SDK1: variants seen among roughly 807,000 people sequenced by gnomAD.
The protein encoded by SDK1 is sidekick cell adhesion molecule 1.
Under a neutral mutation model 245.5 loss-of-function variants are expected in SDK1, and 157 were observed. The ratio of observed to expected loss-of-function variants is 0.64; its 90% confidence interval spans 0.56 to 0.73. SDK1 has a LOEUF of 0.73. SDK1 is among the 30% of genes least tolerant of loss of function. The pLI is 0.00. For synonymous variants in SDK1, 1,647 were observed against 1,278.5 expected (o/e 1.29, Z -6.15); for missense variants, 3,583 against 3,002.3 (o/e 1.19, Z -4.52).
intron 4 of SDK1, among the ~76,000 whole-genome samples, chr7:3,760,159 A>G (rs1018771787): frequency 2.0e-5 from 3 of 152,104 alleles, no homozygotes; most frequent in Non-Finnish European, 4.4e-5. Context: ...GCATATCTGC[A>G]TTTGTGAAAG....
intron 4 of SDK1, among the ~76,000 whole-genome samples, chr7:3,813,268 C>A (rs1325229589): frequency 1.6e-5 from 2 of 126,996 alleles, no homozygotes; most frequent in South Asian, 3.1e-4. Context: ...CCCCTCCCCC[C>A]ACCCCACCAC....
intron 1 of SDK1, among the ~76,000 whole-genome samples, chr7:3,527,746 G>A (rs1783192428): frequency 6.7e-6 from 1 of 150,254 alleles, no homozygotes; most frequent in Admixed American, 6.6e-5. Context: ...AAGGTTGGAT[G>A]ATAGCTAGGG....
chr7:3,546,665 C>T (rs889689975), intron 1 of SDK1, among the ~76,000 whole-genome samples: 1 of 152,218 alleles, frequency 6.6e-6, no homozygotes, highest in African/African-American at 2.4e-5. Context: ...GGGGGGACGT[C>T]TCCCAAACTG....
At chr7:3,736,393 C>T (rs375481852) in intron 4 of SDK1, among the ~76,000 whole-genome samples, 12 of 152,048 alleles carry the variant, frequency 7.9e-5, no homozygotes, top group African/African-American at 2.2e-4. Flanking sequence ...CCCGGGTTCA[C>T]GCCCTTCTCC....
intron 1 of SDK1, among the ~76,000 whole-genome samples, chr7:3,555,598 C>A (rs71527449): frequency 0.024 from 3,654 of 152,244 alleles, 65 homozygotes; most frequent in Non-Finnish European, 0.039. Flanking sequence ...TAAAAAGCTT[C>A]TGCACAGCAA....
chr7:3,835,381 T>C (rs1780007556), intron 5 of SDK1, among the ~76,000 whole-genome samples: 2 of 152,196 alleles, frequency 1.3e-5, no homozygotes, highest in Non-Finnish European at 2.9e-5. Context: ...ATCATGCTGC[T>C]TCTGGATACA....
chr7:4,121,431 G>A (rs1039093115), intron 25 of SDK1, among the ~76,000 whole-genome samples: 2 of 152,120 alleles, frequency 1.3e-5, no homozygotes, highest in African/African-American at 2.4e-5. Context: ...AAGATCTGAT[G>A]GTTTTATAAG....
At chr7:3,531,082 G>C (rs1562543446) in intron 1 of SDK1, among the ~76,000 whole-genome samples, 1 of 152,114 alleles carries the variant, frequency 6.6e-6, no homozygotes, top group East Asian at 1.9e-4. Context: ...ATTCATTTAA[G>C]AGTCTAACAA....
intron 5 of SDK1, among the ~76,000 whole-genome samples, chr7:3,877,211 A>G (rs1781097425): frequency 6.6e-6 from 1 of 152,174 alleles, no homozygotes; most frequent in Admixed American, 6.5e-5. Context: ...CTCCTGGCCC[A>G]TGGCAGCTGA....
In SDK1 at chr7:4,026,363, A is replaced by T. The variant is rs1006178844; in HGVS notation, c.2602+9011A>T. On this transcript the variant is annotated intron_variant, in intron 17 of 44. Transcript: ENST00000404826. The surrounding 1 kb of genome is among the most constrained non-coding windows in gnomAD (Gnocchi z 4.1). Reference sequence around the variant, plus strand: ...ATGTTTTAGAAGCTCAGCGTTTGGCATGGGCGAAGATATATTTTAGGAATG... The same window carrying T: ...ATGTTTTAGAAGCTCAGCGTTTGGCTTGGGCGAAGATATATTTTAGGAATG... Among the ~76,000 whole-genome samples, 1 of 152,234 alleles carries T rather than the reference A, an allele frequency of 6.6e-6. No individual in the cohort carries two copies. Among genetic ancestry groups the T allele is most frequent in the African/African-American group, 2.4e-5 (1 of 41,468 alleles).
At position 4,138,796 on chromosome 7, in the gene SDK1, A is replaced by G. The variant is rs1474917312; in HGVS notation, c.4228+6373A>G. Among the ~76,000 whole-genome samples the G allele has an allele frequency of 5.3e-5, 8 of 152,086 alleles. No individual in the cohort carries two copies. In the East Asian group the frequency reaches 1.5e-3, roughly 29 times the overall value. On this transcript the variant is annotated intron_variant, in intron 28 of 44. Coordinates refer to ENST00000404826, the MANE Select transcript of SDK1 (RefSeq NM_152744.4). ...GAAAGAAGAAGGAAGGAGGGAAGGA[A>G]AAGAAAAGAAAAGAAAATTGATGAC...
chr7:3,689,839 A>C (rs1239749472), intron 4 of SDK1, among the ~76,000 whole-genome samples: 1 of 152,262 alleles, frequency 6.6e-6, no homozygotes, highest in Admixed American at 6.5e-5. Flanking sequence ...ACACAGGCCC[A>C]TATCTGCCAA....
intron 22 of SDK1, among the ~76,000 whole-genome samples, chr7:4,093,038 T>C (rs977586687): frequency 3.3e-5 from 5 of 152,054 alleles, no homozygotes; most frequent in Non-Finnish European, 7.4e-5. Context: ...CAGTGAATTA[T>C]GGAATGAAGG....
At chr7:3,764,299 T>C (rs1262536939) in intron 4 of SDK1, among the ~76,000 whole-genome samples, 2 of 152,150 alleles carry the variant, frequency 1.3e-5, no homozygotes, top group Non-Finnish European at 2.9e-5. Context: ...AAGGCGGTAT[T>C]CTCCATCCTA....
chr7:3,451,465 G>A (rs558766399), intron 1 of SDK1, among the ~76,000 whole-genome samples: 10 of 152,174 alleles, frequency 6.6e-5, no homozygotes, highest in Non-Finnish European at 8.8e-5. Context: ...ACTTGGACAC[G>A]GGGAAGGGAG....
At chr7:3,952,059 G>C (rs528992950) in intron 7 of SDK1, 139 bp downstream of exon 7, 5 of 733,652 alleles carry the variant, frequency 6.8e-6, no homozygotes, top group Non-Finnish European at 1.1e-5. Context: ...GTTTACCTTC[G>C]AAATCCTTCC....
Position 3,326,627 on chromosome 7 carries a change from A to G in SDK1, c.298+24743A>G, listed in dbSNP as rs192709122. On this transcript the variant is annotated intron_variant, in intron 1 of 44. Transcript: ENST00000404826. ...ACACATCCACTGAGTCCTCATTGCT[A>G]CATCTTCTCACCAACACTGCTTTCT... Among the ~76,000 whole-genome samples, 207 of 152,296 alleles carry G rather than the reference A, an allele frequency of 1.4e-3. 2 individuals carry two copies. Among genetic ancestry groups the G allele is most frequent in the Non-Finnish European group, 7.4e-5 (5 of 68,008 alleles).
intron 4 of SDK1, among the ~76,000 whole-genome samples, chr7:3,695,430 A>T (rs1784543358): frequency 6.6e-6 from 1 of 152,130 alleles, no homozygotes; most frequent in South Asian, 2.1e-4. Flanking sequence ...GCATTTTCTC[A>T]TGTCTTCTCT....
chr7:3,703,539 GT>G (rs1784801619), intron 4 of SDK1, among the ~76,000 whole-genome samples: 1 of 152,180 alleles, frequency 6.6e-6, no homozygotes, highest in Non-Finnish European at 1.5e-5. Flanking sequence ...GACTGTAGTG[GT>G]GGTGAAGTCA....
Sources: gnomAD v4.1 joint callset for allele counts (sites outside exome capture counted in the v4.1 genomes callset) on GRCh38, gnomAD v4.1.1 for gene constraint, Gnocchi (gnomAD v3.1) non-coding constraint, MANE v1.5 for transcripts, NCBI Gene and HGNC (gene_info 2026-07-23, HGNC 2026-07-21) for gene names.